The following ZNF664 variants were observed in gnomAD, a reference collection of about 807,000 sequenced individuals.
ZNF664 encodes the protein zinc finger Organ of Corti 1.
A neutral mutation model predicts 18.2 loss-of-function variants in ZNF664; 10 were observed. The observed-to-expected ratio is 0.55, with a 90% CI of 0.34 to 0.93. ZNF664 has a LOEUF of 0.93. ZNF664 is among the 40% of genes least tolerant of loss of function. The pLI is 0.02. For missense variants in ZNF664, 193 were observed against 319.0 expected, an observed-to-expected ratio of 0.61 and a Z score of 3.01; for synonymous variants, 119 against 104.2, an observed-to-expected ratio of 1.14 and a Z score of -0.86.
intron 3 of ZNF664, among the ~76,000 whole-genome samples, chr12:124,004,472 TG>T (rs1458936533): frequency 1.3e-5 from 2 of 152,236 alleles, no homozygotes; most frequent in African/African-American, 4.8e-5. Flanking sequence ...TTGCATAGGT[TG>T]GTGTTGTCAG....
At chr12:123,989,419 C>G (rs1231194183) in intron 3 of ZNF664, 2 of 152,190 alleles carry the variant, frequency 1.3e-5, no homozygotes, top group Non-Finnish European at 2.9e-5. Flanking sequence ...TTTGGGTAAC[C>G]TCGGCCAGTC....
chr12:123,973,943 C>G lies in ZNF664; in HGVS notation c.-834C>G. On this transcript the variant is annotated 5_prime_UTR_variant, in exon 2 of 5. Coordinates refer to ENST00000337815, the MANE Select transcript of ZNF664 (RefSeq NM_152437.3). ...CCCGCTCAGGTGATGAGGAACCCCTCGCGCACCCAGCGCAGAAGGCTGCTG... is the reference window on the plus strand; with the variant it reads ...CCCGCTCAGGTGATGAGGAACCCCTGGCGCACCCAGCGCAGAAGGCTGCTG... 1.6e-6 allele frequency: 2 copies of G among 1,231,926 alleles called. No individual in the cohort carries two copies. The highest frequency in any genetic ancestry group is 2.0e-6 in the Non-Finnish European group (2 of 988,100). 76.3% of individuals were successfully genotyped at this position (1,231,926 alleles called of 1,614,324 possible). A position where few individuals can be genotyped will look rare whatever the true frequency, so the allele number is the denominator to read the frequency against.
intron 3 of ZNF664, among the ~76,000 whole-genome samples, chr12:124,008,430 C>T (rs936063077): frequency 2.0e-5 from 3 of 152,196 alleles, no homozygotes; most frequent in Non-Finnish European, 4.4e-5. Flanking sequence ...CAGCCTGGTC[C>T]TGGCAGTGTC....
At position 123,996,370 on chromosome 12, in the gene ZNF664, A is replaced by G. The variant is rs184341546; in HGVS notation, c.-661+8232A>G. 2.4e-3 allele frequency among the ~76,000 whole-genome samples: 367 copies of G among 152,248 alleles called. 3 individuals carry two copies. The highest frequency in any genetic ancestry group is 9.7e-3 in the Admixed American group (148 of 15,280). Reference sequence around the variant, plus strand: ...CTGCTTGGGGTAAAAGGTTGCTTCAAGTGGGCTGAGTGTGAGCATAAGTGG... The same window carrying G: ...CTGCTTGGGGTAAAAGGTTGCTTCAGGTGGGCTGAGTGTGAGCATAAGTGG... On this transcript the variant is annotated intron_variant, in intron 3 of 4. Coordinates refer to ENST00000337815, the MANE Select transcript of ZNF664 (RefSeq NM_152437.3).
In ZNF664 at chr12:123,973,247, A is replaced by AGC. The variant is rs955247929; in HGVS notation, c.-983_-982dup. On this transcript the variant is annotated 5_prime_UTR_variant, in exon 1 of 5. Coordinates refer to ENST00000337815, the MANE Select transcript of ZNF664 (RefSeq NM_152437.3). ...CCCCCGGAGGCGTCTGGGTGTGCGGAGCGCGCGCGCGCGCGGCTCGGAGGC... is the reference window on the plus strand; with the variant it reads ...CCCCCGGAGGCGTCTGGGTGTGCGGAGCGCGCGCGCGCGCGCGGCTCGGAGGC... The AGC allele has an allele frequency of 6.3e-3, 6,253 of 985,334 alleles. 13 individuals carry two copies. Among genetic ancestry groups the AGC allele is most frequent in the Non-Finnish European group, 7.0e-3 (5,871 of 833,058 alleles). The allele number at this position is 985,334 out of a possible 1,614,324, so 61.0% of individuals were successfully genotyped here.
intron 2 of ZNF664, among the ~76,000 whole-genome samples, chr12:123,984,178 A>T (rs944430758): frequency 1.8e-4 from 27 of 152,200 alleles, no homozygotes; most frequent in Admixed American, 6.5e-5. Context: ...GATGGAACTC[A>T]TGGGAATGAA....
chr12:123,997,046 T>C (rs999332804), intron 3 of ZNF664, among the ~76,000 whole-genome samples: 3 of 152,136 alleles, frequency 2.0e-5, no homozygotes, highest in East Asian at 3.8e-4. Context: ...ATAAAACTCT[T>C]GTAAAGGAAA....
Position 124,013,295 on chromosome 12 carries a change from C to A in ZNF664, c.*365C>A, listed in dbSNP as rs978538020. 8.0e-6 allele frequency: 2 copies of A among 248,796 alleles called. No homozygotes were observed. The allele number at this position is 248,796 out of a possible 1,614,324, so 15.4% of individuals were successfully genotyped here. A position where few individuals can be genotyped will look rare whatever the true frequency, so the allele number is the denominator to read the frequency against. On this transcript the variant is annotated 3_prime_UTR_variant, in exon 5 of 5. Transcript: ENST00000337815. ...CTTAAAAGCTATCCCAGATACTCCC[C>A]CTTGAGGAGCTCATGCCCTTCCTTC... is the stretch of plus-strand genomic sequence containing the variant.
intron 2 of ZNF664, among the ~76,000 whole-genome samples, chr12:123,985,278 C>T (rs1306327184): frequency 6.6e-6 from 1 of 152,216 alleles, no homozygotes; most frequent in Non-Finnish European, 1.5e-5. Context: ...ACACCATCAT[C>T]TCAGAATATA....
intron 2 of ZNF664, among the ~76,000 whole-genome samples, chr12:123,977,963 C>G (rs1022903041): frequency 1.3e-5 from 2 of 152,118 alleles, no homozygotes; most frequent in African/African-American, 4.8e-5. Context: ...ATGCTTTAGA[C>G]TCAGATGTGT....
At chr12:123,977,462 CA>C (rs58043898) in intron 2 of ZNF664, among the ~76,000 whole-genome samples, 2,182 of 94,178 alleles carry the variant, frequency 0.023, 43 homozygotes, top group African/African-American at 0.068. Flanking sequence ...CTAAAATGGC[CA>C]AAAAAAAAAA....
chr12:124,001,673 C>T (rs1413469088), intron 3 of ZNF664, among the ~76,000 whole-genome samples: 1 of 152,244 alleles, frequency 6.6e-6, no homozygotes, highest in Non-Finnish European at 1.5e-5. Flanking sequence ...GCTCAGAGCA[C>T]TGTGCAGGGC....
chr12:123,982,557 T>C (rs753649175), intron 2 of ZNF664, among the ~76,000 whole-genome samples: 10 of 152,174 alleles, frequency 6.6e-5, no homozygotes, highest in Non-Finnish European at 1.2e-4. Flanking sequence ...ACAGACCCAG[T>C]CTTTCCACTT....
Position 123,984,073 on chromosome 12 carries a change from G to T in ZNF664, c.-756-3970G>T, listed in dbSNP as rs143052097. Among the ~76,000 whole-genome samples, 688 of 152,328 alleles carry T rather than the reference G, an allele frequency of 4.5e-3. 5 individuals are homozygous for T. Among genetic ancestry groups the T allele is most frequent in the African/African-American group, 0.015 (640 of 41,568 alleles). ...AGGCCTTGTGAACAGTTGAAATGTG[G>T]ACTCCTAGCAAAGCTTTCTTTCACA... On this transcript the variant is annotated intron_variant, in intron 2 of 4. Coordinates refer to ENST00000337815, the MANE Select transcript of ZNF664 (RefSeq NM_152437.3).
chr12:123,996,719 TTTGCAGTGGCCAATTAGA>T (rs1392949420), intron 3 of ZNF664, among the ~76,000 whole-genome samples: 1 of 152,138 alleles, frequency 6.6e-6, no homozygotes, highest in Non-Finnish European at 1.5e-5. Flanking sequence ...ATGGGTAGCT[TTTGCAGTGGCCAATTAGA>T]TTGCAGGGCT....
At chr12:123,998,182 C>T (rs1956971953) in intron 3 of ZNF664, among the ~76,000 whole-genome samples, 1 of 152,056 alleles carries the variant, frequency 6.6e-6, no homozygotes, top group Non-Finnish European at 1.5e-5. Flanking sequence ...ATACTTTATC[C>T]CTTTGTATGT....
At chr12:123,996,872 C>T (rs560636883) in intron 3 of ZNF664, among the ~76,000 whole-genome samples, 4 of 152,128 alleles carry the variant, frequency 2.6e-5, no homozygotes, top group Admixed American at 6.6e-5. Context: ...ATATACAAAA[C>T]CCCCATTCAC....
chr12:123,976,761 C>T (rs535342254), intron 2 of ZNF664, among the ~76,000 whole-genome samples: 1 of 151,612 alleles, frequency 6.6e-6, no homozygotes, highest in Non-Finnish European at 1.5e-5. Flanking sequence ...TTACCAGCTA[C>T]ACTAAGGTCA....
intron 3 of ZNF664, 194 bp from the exon 4 acceptor site, chr12:124,011,187 A>T: frequency 1.8e-6 from 1 of 558,292 alleles, no homozygotes; most frequent in Non-Finnish European, 2.3e-6. Flanking sequence ...CAAAGTGGAG[A>T]TCGTTTTCAT....
Sources: allele counts gnomAD v4.1 joint callset (sites outside exome capture counted in the v4.1 genomes callset), GRCh38; gene constraint gnomAD v4.1.1; transcripts MANE v1.5; gene names NCBI Gene and HGNC (gene_info 2026-07-23, HGNC 2026-07-21).